The following PRRC2B variants were observed in gnomAD, a reference collection of about 807,000 sequenced individuals.
PRRC2B encodes proline rich coiled-coil 2B.
A neutral mutation model predicts 242.3 loss-of-function variants in PRRC2B; 68 were observed. The ratio of observed to expected loss-of-function variants is 0.28; its 90% CI spans 0.23 to 0.34. The LOEUF is 0.34. Among genes scored for constraint, PRRC2B ranks in the 10% least tolerant of loss-of-function variants. The pLI is 1.00. For missense variants in PRRC2B, 2,835 were observed against 2,954.8 expected (o/e 0.96, Z 0.94); for synonymous variants, 1,228 against 1,173.6 (o/e 1.05, Z -0.95).
intron 23 of PRRC2B, 102 bp downstream of exon 23, chr9:131,483,547 C>A: frequency 9.7e-7 from 1 of 1,029,824 alleles, no homozygotes; most frequent in Non-Finnish European, 1.5e-6. Flanking sequence ...TGGGCTGGCA[C>A]GTGACTCAGT....
intron 1 of PRRC2B, among the ~76,000 whole-genome samples, chr9:131,377,009 GA>G (rs1836693987): frequency 1.3e-5 from 2 of 152,070 alleles, no homozygotes; most frequent in South Asian, 4.1e-4. Context: ...CCGGTCCGTT[GA>G]AAAAATAAAT....
intron 1 of PRRC2B, among the ~76,000 whole-genome samples, chr9:131,421,864 T>C (rs954545671): frequency 1.4e-4 from 21 of 152,192 alleles, no homozygotes; most frequent in African/African-American, 5.1e-4. Flanking sequence ...GGCTGACTTA[T>C]ATCAGAACCC....
chr9:131,481,820 C>T lies in PRRC2B; in HGVS notation c.4983+12C>T, dbSNP rs373129980. ...CTGGCTCTGCGGAGGTGAGTGTGGCCGCTGCCCACATGCTGCCCCTGGGAT... is the reference window on the plus strand; with the variant it reads ...CTGGCTCTGCGGAGGTGAGTGTGGCTGCTGCCCACATGCTGCCCCTGGGAT... On this transcript the variant is annotated intron_variant, in intron 20 of 31. Coordinates refer to ENST00000683519, the MANE Select transcript of PRRC2B (RefSeq NM_013318.4). 4.6e-5 allele frequency: 72 copies of T among 1,548,916 alleles called. No individual in the cohort carries two copies. The highest frequency in any genetic ancestry group is 3.7e-4 in the Admixed American group (19 of 51,734).
At chr9:131,456,702 AG>A (rs1943091435) in intron 10 of PRRC2B, among the ~76,000 whole-genome samples, 1 of 151,842 alleles carries the variant, frequency 6.6e-6, no homozygotes, top group Admixed American at 6.6e-5. Context: ...GCTACTCAGG[AG>A]GCTGAGGTGG....
At chr9:131,485,990 G>A in intron 25 of PRRC2B, 95 bp from the exon 26 acceptor site, 1 of 882,330 alleles carries the variant, frequency 1.1e-6, no homozygotes, top group Admixed American at 2.0e-5. Flanking sequence ...TGAGTCCCCT[G>A]GGTAGAGCAG....
At chr9:131,395,749 A>G (rs1457677864) in intron 1 of PRRC2B, among the ~76,000 whole-genome samples, 2 of 152,190 alleles carry the variant, frequency 1.3e-5, no homozygotes, top group Admixed American at 1.3e-4. Context: ...TCAAGGCCCA[A>G]ACATTAGTGG....
At chr9:131,442,056 A>G (rs1406361599) in intron 5 of PRRC2B, among the ~76,000 whole-genome samples, 2 of 152,216 alleles carry the variant, frequency 1.3e-5, no homozygotes, top group Non-Finnish European at 2.9e-5. Context: ...TTCTCGAAGC[A>G]GAAGAAAGAG....
chr9:131,445,980 A>C (rs1460933958), intron 6 of PRRC2B, among the ~76,000 whole-genome samples: 1 of 152,200 alleles, frequency 6.6e-6, no homozygotes. Context: ...ACAAAGCCTG[A>C]AACCACTGTG....
At position 131,496,087 on chromosome 9, in the gene PRRC2B, C is replaced by A; in HGVS notation, c.*213C>A. 2 of 600,478 alleles carry A rather than the reference C, an allele frequency of 3.3e-6. No homozygotes were observed. Among genetic ancestry groups the A allele is most frequent in the Non-Finnish European group, 5.7e-6 (2 of 352,166 alleles). 37.2% of individuals were successfully genotyped at this position (600,478 alleles called of 1,614,324 possible). ...TTGACCCGCTTGCTTTGATACGAAACAAAAAAGCAGACGACTCCTTCATCC... is the reference window on the plus strand; with the variant it reads ...TTGACCCGCTTGCTTTGATACGAAAAAAAAAAGCAGACGACTCCTTCATCC... On this transcript the variant is annotated 3_prime_UTR_variant, in exon 32 of 32. Coordinates refer to ENST00000683519, the MANE Select transcript of PRRC2B (RefSeq NM_013318.4).
In PRRC2B at chr9:131,430,150, C is replaced by T; in HGVS notation, c.6C>T (p.Ser2=). The change falls in exon 2 of 32, where the codon TCC becomes TCT. Residue 2 remains serine, a synonymous_variant. Transcript: ENST00000683519. ...CTAGATGACATTTCATCGCAATGTCCGATCGTTTGGGGCAAATTACCAAGG... is the reference window on the plus strand; with the variant it reads ...CTAGATGACATTTCATCGCAATGTCTGATCGTTTGGGGCAAATTACCAAGG... The part of the protein sequence containing the change: M[S]DRLGQITKGK... 6 of 1,598,934 alleles carry T rather than the reference C, an allele frequency of 3.8e-6. No individual in the cohort carries two copies. Among genetic ancestry groups the T allele is most frequent in the South Asian group, 1.1e-5 (1 of 88,576 alleles).
chr9:131,464,919 A>C lies in PRRC2B; in HGVS notation c.1561A>C (p.Arg521=), dbSNP rs1484848310. The C allele has an allele frequency of 1.9e-6, 3 of 1,613,388 alleles. No individual in the cohort carries two copies. In the South Asian group the frequency reaches 3.3e-5, roughly 18 times the overall value. Residue 521 remains arginine, a synonymous_variant, in exon 12 of 32, where the codon AGG becomes CGG. Transcript: ENST00000683519. ...EEEERRAREE[R]LAACAAKLKQ... ...AGAGGAGCGCCGAGCCCGGGAGGAGAGGCTGGCCGCCTGTGCTGCCAAACT... is the reference window on the plus strand; with the variant it reads ...AGAGGAGCGCCGAGCCCGGGAGGAGCGGCTGGCCGCCTGTGCTGCCAAACT...
chr9:131,424,864 T>C (rs1340276240), intron 1 of PRRC2B, among the ~76,000 whole-genome samples: 1 of 152,114 alleles, frequency 6.6e-6, no homozygotes, highest in Non-Finnish European at 1.5e-5. Context: ...ATTTGTTGGG[T>C]GGTTGAATTT....
At chr9:131,401,147 G>C (rs1837217186) in intron 1 of PRRC2B, among the ~76,000 whole-genome samples, 1 of 151,734 alleles carries the variant, frequency 6.6e-6, no homozygotes, top group Non-Finnish European at 1.5e-5. Flanking sequence ...CTTGTAAATA[G>C]GTGTTTTTTT....
chr9:131,492,099 T>G, intron 29 of PRRC2B, 70 bp from the exon 30 acceptor site: 2 of 1,228,530 alleles, frequency 1.6e-6, no homozygotes, highest in Non-Finnish European at 2.4e-6. Flanking sequence ...CCCTGGGTTG[T>G]TCAGTAAGTG....
At chr9:131,438,575 G>A (rs1838452310) in intron 4 of PRRC2B, among the ~76,000 whole-genome samples, 1 of 152,178 alleles carries the variant, frequency 6.6e-6, no homozygotes, top group Admixed American at 6.5e-5. Flanking sequence ...CTCATTAGCA[G>A]CTGCGCAGTT....
At chr9:131,429,256 G>A (rs555257230) in intron 1 of PRRC2B, among the ~76,000 whole-genome samples, 1 of 150,542 alleles carries the variant, frequency 6.6e-6, no homozygotes, top group African/African-American at 2.5e-5. Flanking sequence ...CAGGCGCTTA[G>A]TATTTTGAGT....
chr9:131,495,852 A>G lies in PRRC2B; in HGVS notation c.6668A>G (p.Lys2223Arg), dbSNP rs1263029634. The change falls in exon 32 of 32, where the codon AAA becomes AGA. Residue 2223 changes from lysine (K) to arginine (R), a missense_variant. Lys to Arg is a conservative substitution (Grantham distance 26, BLOSUM62 2). This residue lies in a region of PRRC2B where 574 missense variants were observed against 626.0 expected (regional missense o/e 0.92). Transcript: ENST00000683519. ...GGAGCGATCAAGCCTCGGGCTGTCA[A>G]AGTGGAGGAGAGTAAGGCCTGACAG... is the stretch of plus-strand genomic sequence containing the variant. Reference protein sequence around the residue: ...RTGAIKPRAVKVEESKA With the variant: ...RTGAIKPRAVRVEESKA The G allele has an allele frequency of 6.2e-7, 1 of 1,609,946 alleles. No individual in the cohort carries two copies. The highest frequency in any genetic ancestry group is 8.5e-7 in the Non-Finnish European group (1 of 1,176,770).
chr9:131,435,045 C>T (rs909095831), intron 3 of PRRC2B, among the ~76,000 whole-genome samples: 1 of 152,150 alleles, frequency 6.6e-6, no homozygotes, highest in Non-Finnish European at 1.5e-5. Flanking sequence ...CATCTGTAAT[C>T]CCAGCACTTT....
At chr9:131,426,999 G>A (rs1419535626) in intron 1 of PRRC2B, among the ~76,000 whole-genome samples, 1 of 152,224 alleles carries the variant, frequency 6.6e-6, no homozygotes, top group Non-Finnish European at 1.5e-5. Context: ...GGGGCGGAGA[G>A]GAGAATTTCC....
Sources: gnomAD v4.1 joint callset for allele counts (sites outside exome capture counted in the v4.1 genomes callset) on GRCh38, gnomAD v4.1.1 for gene constraint, gnomAD v4.1.1 regional missense constraint, MANE v1.5 for transcripts, NCBI Gene and HGNC (gene_info 2026-07-23, HGNC 2026-07-21) for gene names.